Variants in CACNB2 observed in about 807,000 individuals in gnomAD.
CACNB2 encodes the protein voltage-dependent L-type calcium channel subunit beta-2.
A neutral mutation model predicts 73.3 loss-of-function variants in CACNB2; 42 were observed. That is an observed-to-expected ratio of 0.57 (90% confidence interval 0.45 to 0.74). The LOEUF (loss-of-function observed/expected upper bound fraction) is 0.74. Among genes scored for constraint, CACNB2 ranks in the 30% least tolerant of loss-of-function variants. The pLI is 0.00. For synonymous variants in CACNB2, 348 were observed against 310.3 expected, an observed-to-expected ratio of 1.12 and a Z score of -1.28; for missense variants, 940 against 853.0, an observed-to-expected ratio of 1.10 and a Z score of -1.27.
intron 2 of CACNB2, among the ~76,000 whole-genome samples, chr10:18,220,114 T>C (rs2035678306): frequency 2.6e-5 from 1 of 38,158 alleles, no homozygotes; most frequent in African/African-American, 8.4e-5. Flanking sequence ...TTTTTTAATA[T>C]ATATATATAT....
Position 18,443,192 on chromosome 10 carries a change from A to G in CACNB2, c.333+41149A>G, listed in dbSNP as rs181020007. Among the ~76,000 whole-genome samples, 611 of 151,780 alleles carry G rather than the reference A, an allele frequency of 4.0e-3. 2 individuals are homozygous for G. Among genetic ancestry groups the G allele is most frequent in the Admixed American group, 7.8e-3 (119 of 15,212 alleles). ...ATGCTTTTTTATGTTTTAATCCCCA[A>G]TTCAGTGCCTGAATGCTGACGGGTG... On this transcript the variant is annotated intron_variant, in intron 3 of 13. Coordinates refer to ENST00000324631, the MANE Select transcript of CACNB2 (RefSeq NM_201596.3).
chr10:18,410,013 G>A (rs1413120111), intron 3 of CACNB2, among the ~76,000 whole-genome samples: 1 of 152,096 alleles, frequency 6.6e-6, no homozygotes, highest in Non-Finnish European at 1.5e-5. Context: ...AGTGGATTCT[G>A]ATAAGTCCAA....
intron 2 of CACNB2, among the ~76,000 whole-genome samples, chr10:18,228,839 A>G (rs2036118414): frequency 1.3e-5 from 2 of 152,254 alleles, no homozygotes; most frequent in South Asian, 4.2e-4. Context: ...TCCTGGGTTC[A>G]AGGATTCTCC....
At chr10:18,460,796 G>A (rs1224335397) in intron 3 of CACNB2, among the ~76,000 whole-genome samples, 1 of 151,746 alleles carries the variant, frequency 6.6e-6, no homozygotes, top group Non-Finnish European at 1.5e-5. Flanking sequence ...AAGATGAGGT[G>A]GGAAGACCAC....
intron 3 of CACNB2, among the ~76,000 whole-genome samples, chr10:18,470,534 A>G (rs144003223): frequency 5.5e-4 from 83 of 151,358 alleles, no homozygotes; most frequent in African/African-American, 2.0e-3. Context: ...TATATATACT[A>G]TTTACGTTAT....
At chr10:18,165,558 G>A (rs531275133) in intron 2 of CACNB2, among the ~76,000 whole-genome samples, 16 of 152,308 alleles carry the variant, frequency 1.1e-4, no homozygotes, top group South Asian at 2.1e-4. Context: ...GACTCCAGGC[G>A]TATGTCACCA....
chr10:18,422,784 C>T (rs1042017847), intron 3 of CACNB2, among the ~76,000 whole-genome samples: 18 of 152,096 alleles, frequency 1.2e-4, no homozygotes, highest in South Asian at 2.1e-4. Flanking sequence ...CTGCAACCTC[C>T]ACCTCCCACG....
In CACNB2 at chr10:18,500,855, G is replaced by T; in HGVS notation, c.500G>T (p.Gly167Val). Reference sequence around the variant, plus strand: ...TGGATAGGGCGATTGGTAAAAGAAGGCTGTGAAATCGGATTCATTCCAAGC... The same window carrying T: ...TGGATAGGGCGATTGGTAAAAGAAGTCTGTGAAATCGGATTCATTCCAAGC... Reference protein sequence around the residue: ...DWWIGRLVKEGCEIGFIPSPV... With the variant: ...DWWIGRLVKEVCEIGFIPSPV... The change falls in exon 5 of 14, where the codon GGC becomes GTC. Residue 167 changes from glycine (G) to valine (V), a missense_variant. Coordinates refer to ENST00000324631, the MANE Select transcript of CACNB2 (RefSeq NM_201596.3). 1 of 1,613,954 alleles carries T rather than the reference G, an allele frequency of 6.2e-7. No homozygotes were observed. Among genetic ancestry groups the T allele is most frequent in the Non-Finnish European group, 8.5e-7 (1 of 1,179,900 alleles).
intron 2 of CACNB2, among the ~76,000 whole-genome samples, chr10:18,289,093 A>G (rs2131748567): frequency 6.6e-6 from 1 of 152,138 alleles, no homozygotes; most frequent in South Asian, 2.1e-4. Context: ...TTTTGTGTCT[A>G]TTTTAATTTT....
At chr10:18,159,528 T>C (rs1036617312) in intron 2 of CACNB2, among the ~76,000 whole-genome samples, 2 of 152,214 alleles carry the variant, frequency 1.3e-5, no homozygotes, top group Non-Finnish European at 2.9e-5. Context: ...CAAAATGGAA[T>C]GAACCAAATA....
At chr10:18,223,095 A>G (rs1224520191) in intron 2 of CACNB2, among the ~76,000 whole-genome samples, 3 of 152,210 alleles carry the variant, frequency 2.0e-5, no homozygotes, top group East Asian at 3.8e-4. Context: ...AGTCATGGGC[A>G]TATTTATGGG....
intron 2 of CACNB2, among the ~76,000 whole-genome samples, chr10:18,216,714 C>G (rs2035526013): frequency 6.6e-6 from 1 of 152,186 alleles, no homozygotes; most frequent in African/African-American, 2.4e-5. Context: ...TTCCCATTCT[C>G]TCATAACCCC....
chr10:18,346,201 G>A (rs1441975867), intron 2 of CACNB2, among the ~76,000 whole-genome samples: 2 of 151,242 alleles, frequency 1.3e-5, no homozygotes, highest in African/African-American at 4.9e-5. Flanking sequence ...GTGCAGTGGC[G>A]CGATCTCAGC....
chr10:18,455,168 A>G (rs896776412), intron 3 of CACNB2, among the ~76,000 whole-genome samples: 4 of 152,208 alleles, frequency 2.6e-5, no homozygotes, highest in African/African-American at 9.6e-5. Context: ...GGTGCATCAG[A>G]GGAACTTATA....
chr10:18,290,144 C>G (rs1463844051), intron 2 of CACNB2, among the ~76,000 whole-genome samples: 1 of 83,588 alleles, frequency 1.2e-5, no homozygotes, highest in Non-Finnish European at 2.2e-5. Flanking sequence ...TTTTTTGCCT[C>G]AGCCTCCTAA....
chr10:18,498,247 C>G, intron 3 of CACNB2, 108 bp from the exon 4 acceptor site: 1 of 1,368,162 alleles, frequency 7.3e-7, no homozygotes, highest in South Asian at 1.2e-5. Context: ...AGAGGGGAAA[C>G]CAACAATGAT....
chr10:18,227,252 G>C (rs1445170062), intron 2 of CACNB2, among the ~76,000 whole-genome samples: 1 of 152,142 alleles, frequency 6.6e-6, no homozygotes, highest in South Asian at 2.1e-4. Context: ...GTACCGAGAG[G>C]AGGAGCAGAA....
chr10:18,176,785 T>C (rs543613526), intron 2 of CACNB2, among the ~76,000 whole-genome samples: 1 of 151,926 alleles, frequency 6.6e-6, no homozygotes, highest in African/African-American at 2.4e-5. Context: ...TTTCAGAGAA[T>C]GCTGGGTGGG....
intron 1 of CACNB2, among the ~76,000 whole-genome samples, chr10:18,148,466 G>A (rs1482096074): frequency 6.6e-6 from 1 of 152,134 alleles, no homozygotes; most frequent in Non-Finnish European, 1.5e-5. Context: ...CAGGGGTCTG[G>A]AAAAATTAAT....
Sources: allele counts gnomAD v4.1 joint callset (sites outside exome capture counted in the v4.1 genomes callset), GRCh38; gene constraint gnomAD v4.1.1; transcripts MANE v1.5; gene names NCBI Gene and HGNC (gene_info 2026-07-23, HGNC 2026-07-21).